PTPN3: variants seen among roughly 807,000 people sequenced by gnomAD.
The protein encoded by PTPN3 is tyrosine-protein phosphatase non-receptor type 3.
A neutral mutation model predicts 132.7 loss-of-function variants in PTPN3; 96 were observed. That is an observed-to-expected ratio of 0.72 (90% CI 0.61 to 0.86). The LOEUF is 0.86. Ranked by LOEUF, PTPN3 falls within the 40% of genes least tolerant of loss-of-function variation. The pLI is 0.00. For missense variants in PTPN3, 1,125 were observed against 1,159.6 expected (o/e 0.97, Z 0.43); for synonymous variants, 398 against 429.0 (o/e 0.93, Z 0.89).
upstream of PTPN3, among the ~76,000 whole-genome samples, chr9:109,498,850 T>C (rs921041796): frequency 6.6e-6 from 1 of 152,076 alleles, no homozygotes; most frequent in Non-Finnish European, 1.5e-5. This position sits in a 1 kb window ranked among gnomAD's most constrained non-coding sequence, Gnocchi z 4.2. Flanking sequence ...TTCACTAACC[T>C]CAGGACATTG....
the PTPN3 span, among the ~76,000 whole-genome samples, chr9:109,521,041 G>A: frequency 7.5e-3 from 1,142 of 152,194 alleles, 10 homozygotes; most frequent in African/African-American, 0.026. Context: ...GAGAGTGTGT[G>A]ACATGTATAC....
chr9:109,387,091 C>A (rs1839650111), intron 22 of PTPN3, among the ~76,000 whole-genome samples: 4 of 152,168 alleles, frequency 2.6e-5, no homozygotes, highest in Non-Finnish European at 5.9e-5. Flanking sequence ...ACTGGCCAGA[C>A]TGGTGAGCTC....
intron 19 of PTPN3, among the ~76,000 whole-genome samples, chr9:109,399,135 G>A (rs1840843187): frequency 6.6e-6 from 1 of 152,192 alleles, no homozygotes; most frequent in Non-Finnish European, 1.5e-5. Flanking sequence ...ACTCAGCAAT[G>A]GCGAGTTGCC....
chr9:109,397,390 C>T (rs1840691254), intron 19 of PTPN3, among the ~76,000 whole-genome samples: 1 of 152,174 alleles, frequency 6.6e-6, no homozygotes, highest in South Asian at 2.1e-4. Context: ...ATAAAGCATG[C>T]CCAAGAGAAT....
intron 14 of PTPN3, 117 bp downstream of exon 14, chr9:109,420,307 G>GGGAGCTGGCTGCA: frequency 9.4e-7 from 1 of 1,066,998 alleles, no homozygotes; most frequent in Non-Finnish European, 1.3e-6. Context: ...AGGCACCTGT[G>GGGAGCTGGCTGCA]GGAGCTGGCT....
At chr9:109,471,200 G>C (rs1006422188) in intron 1 of PTPN3, among the ~76,000 whole-genome samples, 2 of 152,112 alleles carry the variant, frequency 1.3e-5, no homozygotes, top group East Asian at 3.9e-4. Context: ...GGGGCTACAG[G>C]CCTGTGCCAC....
the PTPN3 span, among the ~76,000 whole-genome samples, chr9:109,535,143 G>C: frequency 6.6e-6 from 1 of 152,090 alleles, no homozygotes; most frequent in Non-Finnish European, 1.5e-5. Flanking sequence ...AAAGAATTGT[G>C]GTTCGTATTT....
chr9:109,492,706 A>G (rs1035882463), intron 1 of PTPN3, among the ~76,000 whole-genome samples: 2 of 152,254 alleles, frequency 1.3e-5, no homozygotes, highest in African/African-American at 4.8e-5. Flanking sequence ...CTCAGGGCAC[A>G]TAACATTGCT....
the PTPN3 span, among the ~76,000 whole-genome samples, chr9:109,525,152 AG>A: frequency 3.6e-3 from 546 of 152,226 alleles, 5 homozygotes; most frequent in African/African-American, 0.012. Flanking sequence ...CTCTGGCTCA[AG>A]TGATCCTTCT....
At chr9:109,437,143 T>C (rs1447479877) in intron 8 of PTPN3, among the ~76,000 whole-genome samples, 173 bp from the exon 9 acceptor site, 2 of 144,238 alleles carry the variant, frequency 1.4e-5, no homozygotes, top group Non-Finnish European at 3.0e-5. Flanking sequence ...TTTATTCTTA[T>C]CCATTGAATG....
chr9:109,406,842 A>G (rs1288772198), intron 17 of PTPN3, among the ~76,000 whole-genome samples: 2 of 152,238 alleles, frequency 1.3e-5, no homozygotes, highest in Admixed American at 6.5e-5. Flanking sequence ...GTTATGAAAC[A>G]TTTCAGAATA....
intron 1 of PTPN3, among the ~76,000 whole-genome samples, chr9:109,465,972 C>A (rs1184164538): frequency 6.6e-6 from 1 of 152,118 alleles, no homozygotes; most frequent in Admixed American, 6.5e-5. Context: ...CAGTGCTCAG[C>A]ACAAGCATCA....
At chr9:109,455,237 A>G (rs1845502625) in intron 4 of PTPN3, among the ~76,000 whole-genome samples, 1 of 152,248 alleles carries the variant, frequency 6.6e-6, no homozygotes, top group Non-Finnish European at 1.5e-5. Flanking sequence ...GGCTTTATGC[A>G]TCAACATCTA....
chr9:109,533,905 A>G, the PTPN3 span: 1 of 754,654 alleles, frequency 1.3e-6, no homozygotes, highest in Non-Finnish European at 2.4e-6. Flanking sequence ...TATAAGGGTT[A>G]CGGTCTGCTG....
At chr9:109,481,898 C>A (rs968825032) in intron 1 of PTPN3, among the ~76,000 whole-genome samples, 11 of 152,210 alleles carry the variant, frequency 7.2e-5, no homozygotes, top group African/African-American at 2.4e-4. Flanking sequence ...GGCTGTCCAG[C>A]GCTCCTGGGC....
At chr9:109,531,018 G>A in the PTPN3 span, among the ~76,000 whole-genome samples, 1 of 152,102 alleles carries the variant, frequency 6.6e-6, no homozygotes, top group Non-Finnish European at 1.5e-5. Context: ...TCTCTGAGTT[G>A]CCTTTTTACT....
chr9:109,510,885 G>T, the PTPN3 span, among the ~76,000 whole-genome samples: 4 of 151,742 alleles, frequency 2.6e-5, no homozygotes, highest in Non-Finnish European at 5.9e-5. Flanking sequence ...GTGCTAAAAG[G>T]TTTTTCTAGA....
At chr9:109,484,264 T>C (rs1440442343) in intron 1 of PTPN3, among the ~76,000 whole-genome samples, 1 of 152,204 alleles carries the variant, frequency 6.6e-6, no homozygotes, top group East Asian at 1.9e-4. Context: ...GTACTCAGCA[T>C]GCTGCTGTGT....
At chr9:109,425,412 A>G (rs577971127) in intron 12 of PTPN3, among the ~76,000 whole-genome samples, 2 of 152,320 alleles carry the variant, frequency 1.3e-5, no homozygotes, top group South Asian at 4.1e-4. Context: ...AAAACCAACA[A>G]ATGATTTAGA....
Sources: gnomAD v4.1 joint callset for allele counts (sites outside exome capture counted in the v4.1 genomes callset) on GRCh38, gnomAD v4.1.1 for gene constraint, Gnocchi (gnomAD v3.1) non-coding constraint, MANE v1.5 for transcripts, NCBI Gene and HGNC (gene_info 2026-07-23, HGNC 2026-07-21) for gene names.